Variants in ROR1 observed in about 807,000 individuals in gnomAD.
The protein encoded by ROR1 is inactive tyrosine-protein kinase transmembrane receptor ROR1.
ROR1 carries 19 observed loss-of-function variants against 78.8 expected under a neutral mutation model. The observed-to-expected ratio is 0.24, with a 90% CI of 0.17 to 0.35. ROR1 has a LOEUF of 0.35. Ranked by LOEUF, ROR1 falls within the 10% of genes least tolerant of loss-of-function variation. ROR1 has a pLI of 1.00. For synonymous variants in ROR1, 386 were observed against 433.6 expected, an observed-to-expected ratio of 0.89 and a Z score of 1.36; for missense variants, 917 against 1,177.8, an observed-to-expected ratio of 0.78 and a Z score of 3.24.
chr1:64,151,396 G>A (rs921321886), intron 7 of ROR1, among the ~76,000 whole-genome samples: 5 of 152,108 alleles, frequency 3.3e-5, no homozygotes, highest in Admixed American at 2.0e-4. Context: ...ACTCCCATAG[G>A]TTCAACCTAA....
At chr1:63,874,309 C>CT (rs922266244) in intron 1 of ROR1, among the ~76,000 whole-genome samples, 1 of 151,954 alleles carries the variant, frequency 6.6e-6, no homozygotes, top group Admixed American at 6.6e-5. Flanking sequence ...CCATTTAAGA[C>CT]TTTTTTTTCC....
intron 4 of ROR1, among the ~76,000 whole-genome samples, chr1:64,136,990 A>T (rs139587075): frequency 9.1e-4 from 139 of 152,294 alleles, no homozygotes; most frequent in African/African-American, 3.2e-3. Context: ...CTTTGTAGCA[A>T]ATGAAGCAGA....
At chr1:64,132,472 G>A (rs564014252) in intron 4 of ROR1, among the ~76,000 whole-genome samples, 1 of 152,196 alleles carries the variant, frequency 6.6e-6, no homozygotes, top group South Asian at 2.1e-4. Flanking sequence ...TTAAGAAGAG[G>A]TAGGAGACCC....
chr1:64,113,580 C>T (rs952434859), intron 4 of ROR1: 1 of 151,940 alleles, frequency 6.6e-6, no homozygotes, highest in Non-Finnish European at 1.5e-5. Flanking sequence ...CCCATGTACT[C>T]GGGAAAAATG....
chr1:63,939,169 T>C (rs926397295), intron 1 of ROR1, among the ~76,000 whole-genome samples: 1 of 152,182 alleles, frequency 6.6e-6, no homozygotes, highest in Non-Finnish European at 1.5e-5. Context: ...GAAGCAGTTG[T>C]CTTTCCCAGA....
chr1:64,093,890 G>A, intron 4 of ROR1, among the ~76,000 whole-genome samples: 1 of 152,132 alleles, frequency 6.6e-6, no homozygotes, highest in East Asian at 1.9e-4. Flanking sequence ...TTGTACATCT[G>A]TCTTTAATTC....
chr1:64,154,331 T>A (rs4414076), intron 7 of ROR1, among the ~76,000 whole-genome samples: 1 of 152,074 alleles, frequency 6.6e-6, no homozygotes, highest in Non-Finnish European at 1.5e-5. Flanking sequence ...TTTTATAGTT[T>A]TCAAGTAATA....
chr1:64,140,462 A>C (rs1325473690), intron 6 of ROR1, 36 bp downstream of exon 6: 6 of 1,589,234 alleles, frequency 3.8e-6, no homozygotes, highest in Non-Finnish European at 5.2e-6. Context: ...TGCTCTTCTA[A>C]GGGTCAGCAA....
At chr1:63,926,514 A>G (rs1271041805) in intron 1 of ROR1, among the ~76,000 whole-genome samples, 1 of 150,446 alleles carries the variant, frequency 6.6e-6, no homozygotes, top group Non-Finnish European at 1.5e-5. Context: ...TTCCATATGA[A>G]CTTTAAAGTA....
intron 4 of ROR1, among the ~76,000 whole-genome samples, chr1:64,127,696 G>A (rs769490295): frequency 6.6e-6 from 1 of 152,072 alleles, no homozygotes; most frequent in African/African-American, 2.4e-5. Flanking sequence ...TGTCTACCTC[G>A]AGGCCTAGAA....
intron 1 of ROR1, among the ~76,000 whole-genome samples, chr1:63,942,847 T>C (rs1203959697): frequency 1.3e-5 from 2 of 152,012 alleles, no homozygotes; most frequent in African/African-American, 4.8e-5. Flanking sequence ...TCCAGCAGAT[T>C]GGGAAGCTGA....
At chr1:63,894,815 A>G (rs1160092989) in intron 1 of ROR1, among the ~76,000 whole-genome samples, 2 of 152,190 alleles carry the variant, frequency 1.3e-5, no homozygotes, top group Admixed American at 6.5e-5. Context: ...TGAGTTGGCC[A>G]TTAGGTTGGA....
intron 1 of ROR1, among the ~76,000 whole-genome samples, chr1:63,933,177 G>A (rs1470971381): frequency 6.6e-6 from 1 of 152,164 alleles, no homozygotes; most frequent in African/African-American, 2.4e-5. Flanking sequence ...TATCCATCTG[G>A]CATCTGATGG....
At chr1:63,823,297 A>G (rs1644934040) in intron 1 of ROR1, among the ~76,000 whole-genome samples, 1 of 151,718 alleles carries the variant, frequency 6.6e-6, no homozygotes, top group African/African-American at 2.4e-5. Context: ...CCATCCACCC[A>G]CTCATTCATC....
At chr1:63,992,453 G>A (rs539930309) in intron 1 of ROR1, among the ~76,000 whole-genome samples, 3 of 152,048 alleles carry the variant, frequency 2.0e-5, no homozygotes, top group Non-Finnish European at 4.4e-5. Context: ...TGATCCACCC[G>A]CCTTGGCCTC....
intron 1 of ROR1, among the ~76,000 whole-genome samples, chr1:63,973,980 C>A (rs1557590476): frequency 6.6e-6 from 1 of 152,064 alleles, no homozygotes; most frequent in South Asian, 2.1e-4. Context: ...GTTTAACTTA[C>A]ATATAAAACT....
At chr1:63,832,832 G>A (rs935947740) in intron 1 of ROR1, among the ~76,000 whole-genome samples, 42 of 152,280 alleles carry the variant, frequency 2.8e-4, no homozygotes, top group African/African-American at 8.9e-4. Context: ...GAGATGCATG[G>A]CAATATACAA....
rs11208374 is a variant in ROR1, at chr1:64,161,498, T to A, written c.1386+2306T>A. Among the ~76,000 whole-genome samples, 12 of 152,146 alleles carry A rather than the reference T, an allele frequency of 7.9e-5. No individual in the cohort carries two copies. The South Asian group carries it at 2.5e-3, about 32-fold the overall frequency. Reference sequence around the variant, plus strand: ...TATTTAAGGGGCCTGCATGGCAGTCTCTGAATGATGTAGCCCTAGCCCTGC... The same window carrying A: ...TATTTAAGGGGCCTGCATGGCAGTCACTGAATGATGTAGCCCTAGCCCTGC... On this transcript the variant is annotated intron_variant, in intron 8 of 8. Transcript: ENST00000371079.
intron 1 of ROR1, among the ~76,000 whole-genome samples, chr1:63,939,027 G>A (rs1248578550): frequency 6.6e-6 from 1 of 152,078 alleles, no homozygotes; most frequent in African/African-American, 2.4e-5. Flanking sequence ...ATAAAAATTG[G>A]AATTTTACTA....
Sources: allele counts gnomAD v4.1 joint callset (sites outside exome capture counted in the v4.1 genomes callset), GRCh38; gene constraint gnomAD v4.1.1; transcripts MANE v1.5; gene names NCBI Gene and HGNC (gene_info 2026-07-23, HGNC 2026-07-21).